Variants in SMYD3 observed in about 807,000 individuals in gnomAD.
The protein encoded by SMYD3 is SET and MYND domain containing 3, also known as histone-lysine N-methyltransferase SMYD3.
A neutral mutation model predicts 57.7 loss-of-function variants in SMYD3; 36 were observed. The ratio of observed to expected loss-of-function variants is 0.62; its 90% confidence interval spans 0.48 to 0.82. The LOEUF (loss-of-function observed/expected upper bound fraction) is 0.82, where lower values mean the gene tolerates loss of function less well. Among genes scored for constraint, SMYD3 ranks in the 40% least tolerant of loss-of-function variants. The pLI, the probability that SMYD3 is intolerant of heterozygous loss-of-function variation, is 0.00. For missense variants in SMYD3, 515 were observed against 538.8 expected, an observed-to-expected ratio of 0.96 and a Z score of 0.44; for synonymous variants, 211 against 195.0, an observed-to-expected ratio of 1.08 and a Z score of -0.68.
In SMYD3 at chr1:245,951,960, G is replaced by A. The variant is rs372843818; in HGVS notation, c.532-22023C>T. 6.6e-5 allele frequency among the ~76,000 whole-genome samples: 10 copies of A among 152,198 alleles called. No homozygotes were observed. In the East Asian group the frequency reaches 1.5e-3, roughly 24 times the overall value. The stretch of plus-strand genomic sequence containing the variant: ...GAATATATTCACTAAAGGAATCAGG[G>A]TTTGATGATTACAGCAAACAACTGC... On this transcript the variant is annotated intron_variant, in intron 5 of 11. Coordinates refer to ENST00000490107, the MANE Select transcript of SMYD3 (RefSeq NM_001167740.2).
In SMYD3 at chr1:246,223,029, T is replaced by C. The variant is rs574263843; in HGVS notation, c.531+104172A>G. Among the ~76,000 whole-genome samples the C allele has an allele frequency of 1.6e-4, 24 of 152,302 alleles. 1 individual carries two copies. In the South Asian group the frequency reaches 3.5e-3, roughly 22 times the overall value. Reference sequence around the variant, plus strand: ...GCATAAAGATAGCCCTTGACATTCATTGTCACACATTTCCTGTTTCTGAGA... The same window carrying C: ...GCATAAAGATAGCCCTTGACATTCACTGTCACACATTTCCTGTTTCTGAGA... On this transcript the variant is annotated intron_variant, in intron 5 of 11. Transcript: ENST00000490107.
At chr1:245,939,709 C>T (rs2057144756) in intron 5 of SMYD3, among the ~76,000 whole-genome samples, 1 of 152,166 alleles carries the variant, frequency 6.6e-6, no homozygotes, top group Non-Finnish European at 1.5e-5. Flanking sequence ...TCCCCATCAA[C>T]TTTTCTAGTC....
At chr1:245,840,010 C>T (rs1183183198) in intron 10 of SMYD3, among the ~76,000 whole-genome samples, 1 of 152,002 alleles carries the variant, frequency 6.6e-6, no homozygotes, top group African/African-American at 2.4e-5. Flanking sequence ...TAAATGTCTG[C>T]ACAATGAAGT....
intron 5 of SMYD3, among the ~76,000 whole-genome samples, chr1:246,165,580 C>G (rs747511544): frequency 5.3e-5 from 8 of 151,932 alleles, no homozygotes; most frequent in African/African-American, 9.7e-5. Flanking sequence ...TAAAAGTCGT[C>G]GAAACAATCT....
intron 8 of SMYD3, among the ~76,000 whole-genome samples, chr1:245,871,753 C>T (rs2052205582): frequency 6.6e-6 from 1 of 152,270 alleles, no homozygotes; most frequent in African/African-American, 2.4e-5. Flanking sequence ...TAAGGAGATG[C>T]ACCTTCTCAT....
At chr1:246,442,184 GGAAGGAATGATGT>G (rs1270843266) in intron 1 of SMYD3, among the ~76,000 whole-genome samples, 1 of 152,198 alleles carries the variant, frequency 6.6e-6, no homozygotes, top group Non-Finnish European at 1.5e-5. Flanking sequence ...CTTCAGGGAA[GGAAGGAATGATGT>G]GATAATCCAT....
At chr1:246,105,352 T>C (rs1029677051) in intron 5 of SMYD3, among the ~76,000 whole-genome samples, 2 of 150,394 alleles carry the variant, frequency 1.3e-5, no homozygotes, top group Non-Finnish European at 2.9e-5. Context: ...TGTTGAGGAT[T>C]AGGGTCATGT....
chr1:246,022,435 T>C (rs967165733), intron 5 of SMYD3, among the ~76,000 whole-genome samples: 1 of 152,184 alleles, frequency 6.6e-6, no homozygotes, highest in South Asian at 2.1e-4. Context: ...GCAGCCTTGC[T>C]TTAAATCCTG....
At chr1:246,087,626 A>G (rs180946914) in intron 5 of SMYD3, among the ~76,000 whole-genome samples, 17 of 152,364 alleles carry the variant, frequency 1.1e-4, no homozygotes, top group Admixed American at 1.0e-3. Context: ...GTTCTGTCCA[A>G]AACACTTTAG....
intron 5 of SMYD3, among the ~76,000 whole-genome samples, chr1:246,138,495 A>G (rs35228170): frequency 0.32 from 28,661 of 90,280 alleles, 8,064 homozygotes; most frequent in Non-Finnish European, 0.56. Flanking sequence ...GCGCGATCTC[A>G]GCTCACTGCA....
chr1:245,969,890 T>C (rs933733889), intron 5 of SMYD3, among the ~76,000 whole-genome samples: 53 of 152,248 alleles, frequency 3.5e-4, no homozygotes, highest in African/African-American at 1.2e-3. Flanking sequence ...TGTTGACATT[T>C]ATCATAAAGA....
intron 1 of SMYD3, among the ~76,000 whole-genome samples, chr1:246,415,559 C>G (rs969162625): frequency 6.6e-6 from 1 of 152,120 alleles, no homozygotes; most frequent in Non-Finnish European, 1.5e-5. Context: ...GCCTCCAGCA[C>G]TAAAAATTAC....
chr1:246,505,297 C>T (rs761612447), intron 1 of SMYD3, among the ~76,000 whole-genome samples: 12 of 114,892 alleles, frequency 1.0e-4, no homozygotes, highest in Admixed American at 4.0e-4. Context: ...CAACCTCCCT[C>T]GCGCTAGGGG....
At position 245,786,215 on chromosome 1, in the gene SMYD3, G is replaced by GA. The variant is rs1553321354; in HGVS notation, c.1077-22067_1077-22066insT. 4.4e-3 allele frequency among the ~76,000 whole-genome samples: 643 copies of GA among 147,200 alleles called. 30 individuals are homozygous for GA. The highest frequency in any genetic ancestry group is 0.015 in the African/African-American group (611 of 39,508). On this transcript the variant is annotated intron_variant, in intron 10 of 11. Transcript: ENST00000490107. Reference sequence around the variant, plus strand: ...ACTGAGTTGAGTTGGGGTGTGGACGGGGGGGGGATGGTGGCAACAGAATAT... The same window carrying GA: ...ACTGAGTTGAGTTGGGGTGTGGACGGAGGGGGGGATGGTGGCAACAGAATAT...
At chr1:246,286,307 G>A (rs1314027904) in intron 5 of SMYD3, among the ~76,000 whole-genome samples, 1 of 152,152 alleles carries the variant, frequency 6.6e-6, no homozygotes, top group Admixed American at 6.5e-5. Flanking sequence ...TGCGCAGGAT[G>A]TGCAGATTTG....
chr1:245,984,335 G>C (rs1332167121), intron 5 of SMYD3, among the ~76,000 whole-genome samples: 1 of 152,120 alleles, frequency 6.6e-6, no homozygotes, highest in African/African-American at 2.4e-5. Context: ...GGACAAAACT[G>C]CTTCCTAGTT....
intron 5 of SMYD3, among the ~76,000 whole-genome samples, chr1:246,237,241 A>G (rs1157132623): frequency 2.0e-5 from 3 of 152,126 alleles, no homozygotes; most frequent in Admixed American, 2.0e-4. Flanking sequence ...TCAGTCTATC[A>G]AAAAAACTAT....
At chr1:246,123,744 G>C (rs2061461763) in intron 5 of SMYD3, among the ~76,000 whole-genome samples, 1 of 152,124 alleles carries the variant, frequency 6.6e-6, no homozygotes, top group Non-Finnish European at 1.5e-5. Context: ...ACATAAGGCA[G>C]TATGCTAAGT....
rs1273728757 is a variant in SMYD3 at position 246,202,035 on chromosome 1, G to T, written c.531+125166C>A. Among the ~76,000 whole-genome samples, 1 of 150,710 alleles carries T rather than the reference G, an allele frequency of 6.6e-6. No individual in the cohort carries two copies. The highest frequency in any genetic ancestry group is 1.5e-5 in the Non-Finnish European group (1 of 67,760). ...ATTTAAAAAAAAAAAACAAAAAAAA[G>T]CCATTTTTAAATGATTTATACTGAT... On this transcript the variant is annotated intron_variant, in intron 5 of 11. Coordinates refer to ENST00000490107, the MANE Select transcript of SMYD3 (RefSeq NM_001167740.2). The surrounding 1 kb of genome is among the most constrained non-coding windows in gnomAD (Gnocchi z 4.1).
Sources: gnomAD v4.1 joint callset for allele counts (sites outside exome capture counted in the v4.1 genomes callset) on GRCh38, gnomAD v4.1.1 for gene constraint, Gnocchi (gnomAD v3.1) non-coding constraint, MANE v1.5 for transcripts, NCBI Gene and HGNC (gene_info 2026-07-23, HGNC 2026-07-21) for gene names.